The following RAPGEF5 variants were observed in gnomAD, a reference collection of about 807,000 sequenced individuals.
RAPGEF5 encodes the protein M-Ras-regulated GEF.
In RAPGEF5, 65 loss-of-function variants were observed where a neutral mutation model predicts 125.2. That is an observed-to-expected ratio of 0.52 (90% CI 0.43 to 0.64). The LOEUF (loss-of-function observed/expected upper bound fraction) is 0.64, where lower values mean the gene tolerates loss of function less well. Ranked by LOEUF, RAPGEF5 falls within the 30% of genes least tolerant of loss-of-function variation. RAPGEF5 has a pLI of 0.00. For missense variants in RAPGEF5, 958 were observed against 1,048.1 expected (o/e 0.91, Z 1.19); for synonymous variants, 391 against 385.9 (o/e 1.01, Z -0.16).
chr7:22,285,215 C>A (rs376039503), intron 6 of RAPGEF5, among the ~76,000 whole-genome samples: 2 of 152,042 alleles, frequency 1.3e-5, no homozygotes, highest in East Asian at 3.9e-4. Flanking sequence ...AGGAAAAAAT[C>A]AAAATTCAAA....
At chr7:22,245,259 G>A (rs1025758996) in intron 7 of RAPGEF5, among the ~76,000 whole-genome samples, 1 of 152,268 alleles carries the variant, frequency 6.6e-6, no homozygotes, top group East Asian at 1.9e-4. Context: ...CACTCTGCGT[G>A]TTGTCTCTTC....
chr7:22,315,230 T>A, intron 3 of RAPGEF5, 140 bp downstream of exon 3: 1 of 936,120 alleles, frequency 1.1e-6, no homozygotes, highest in Non-Finnish European at 1.4e-6. Context: ...AAAGTCACCA[T>A]CAGTTTCCCC....
At chr7:22,318,653 C>G (rs1339326214) in intron 1 of RAPGEF5, among the ~76,000 whole-genome samples, 1 of 152,196 alleles carries the variant, frequency 6.6e-6, no homozygotes, top group African/African-American at 2.4e-5. Flanking sequence ...GAAGAACTTG[C>G]CACTCATAAC....
intron 1 of RAPGEF5, among the ~76,000 whole-genome samples, chr7:22,348,049 T>C (rs1379535106): frequency 1.3e-5 from 2 of 152,210 alleles, no homozygotes; most frequent in South Asian, 2.1e-4. Flanking sequence ...AAAATAATTG[T>C]AAAACCATGA....
chr7:22,353,016 G>A lies in RAPGEF5; in HGVS notation c.231+3814C>T, dbSNP rs140464691. 5.7e-4 allele frequency among the ~76,000 whole-genome samples: 87 copies of A among 152,264 alleles called. No individual in the cohort carries two copies. The East Asian group carries it at 0.011, about 19-fold the overall frequency. ...AAAGAGAGATATCCAGACATTATGCGTCTCACGATGTGATGCAATAGATTT... is the reference window on the plus strand; with the variant it reads ...AAAGAGAGATATCCAGACATTATGCATCTCACGATGTGATGCAATAGATTT... On this transcript the variant is annotated intron_variant, in intron 1 of 25. Coordinates refer to ENST00000665637, the MANE Select transcript of RAPGEF5 (RefSeq NM_012294.5).
intron 1 of RAPGEF5, among the ~76,000 whole-genome samples, chr7:22,335,039 G>A (rs1168743583): frequency 4.6e-5 from 7 of 152,188 alleles, no homozygotes; most frequent in African/African-American, 1.7e-4. Context: ...AGAGTGTTAT[G>A]TGAACACAAA....
intron 1 of RAPGEF5, chr7:22,356,307 C>A: frequency 1.0e-6 from 1 of 969,506 alleles, no homozygotes; most frequent in Admixed American, 6.1e-5. Flanking sequence ...AACCCAGGAA[C>A]TGGAAGCTCA....
At chr7:22,289,248 T>C (rs918527103) in intron 6 of RAPGEF5, among the ~76,000 whole-genome samples, 1 of 152,276 alleles carries the variant, frequency 6.6e-6, no homozygotes, top group African/African-American at 2.4e-5. Context: ...ATCATACATG[T>C]CTTTATCACT....
intron 8 of RAPGEF5, 86 bp downstream of exon 8, chr7:22,230,760 C>T (rs2128134507): frequency 1.6e-6 from 2 of 1,238,540 alleles, no homozygotes; most frequent in East Asian, 2.6e-5. Flanking sequence ...AAAGGTAAAA[C>T]CTATATCATT....
intron 11 of RAPGEF5, 27 bp downstream of exon 11, chr7:22,193,340 G>A (rs1236950783): frequency 3.8e-6 from 6 of 1,559,064 alleles, no homozygotes; most frequent in Non-Finnish European, 5.2e-6. Flanking sequence ...CTATCAGTCT[G>A]GAAGCATGAG....
At chr7:22,198,557 G>C (rs545803961) in intron 9 of RAPGEF5, among the ~76,000 whole-genome samples, 14 of 152,256 alleles carry the variant, frequency 9.2e-5, no homozygotes, top group African/African-American at 3.4e-4. Context: ...GCAATTATTA[G>C]TTACTGGACC....
intron 7 of RAPGEF5, among the ~76,000 whole-genome samples, chr7:22,253,939 T>C (rs556021519): frequency 3.0e-4 from 45 of 152,136 alleles, no homozygotes; most frequent in Non-Finnish European, 4.7e-4. Flanking sequence ...TATAAGACCA[T>C]AAAAGCAGAA....
intron 1 of RAPGEF5, among the ~76,000 whole-genome samples, chr7:22,342,323 G>A (rs202128789): frequency 4.7e-4 from 71 of 152,292 alleles, no homozygotes; most frequent in African/African-American, 1.6e-3. Context: ...ACCAAACCAC[G>A]TTTTCCTCCT....
At chr7:22,356,774 C>T in intron 1 of RAPGEF5, 56 bp downstream of exon 1, 1 of 1,000,668 alleles carries the variant, frequency 1.0e-6, no homozygotes, top group Non-Finnish European at 1.2e-6. Context: ...GGGGGGTGGG[C>T]GCGGGCTCCA....
intron 11 of RAPGEF5, among the ~76,000 whole-genome samples, chr7:22,176,586 T>C (rs1260398548): frequency 6.6e-6 from 1 of 152,190 alleles, no homozygotes; most frequent in African/African-American, 2.4e-5. Context: ...TGGAGTGCAG[T>C]GGTGTGATCT....
At chr7:22,301,880 C>T (rs1783214514) in intron 5 of RAPGEF5, among the ~76,000 whole-genome samples, 1 of 152,108 alleles carries the variant, frequency 6.6e-6, no homozygotes, top group Admixed American at 6.5e-5. Flanking sequence ...GCTTCAGAAC[C>T]TTTGTGATAA....
chr7:22,263,935 G>A (rs1271365591), intron 7 of RAPGEF5, among the ~76,000 whole-genome samples: 1 of 151,718 alleles, frequency 6.6e-6, no homozygotes, highest in Non-Finnish European at 1.5e-5. Context: ...TTTTCAATGA[G>A]CATGTTCTAC....
At chr7:22,220,127 G>T (rs755421691) in intron 8 of RAPGEF5, 136 bp from the exon 9 acceptor site, 1 of 1,218,540 alleles carries the variant, frequency 8.2e-7, no homozygotes, top group Non-Finnish European at 1.1e-6. Flanking sequence ...AAAATATTTT[G>T]CCTTTCAAAA....
intron 11 of RAPGEF5, among the ~76,000 whole-genome samples, chr7:22,187,786 C>G (rs1407694878): frequency 6.6e-6 from 1 of 152,232 alleles, no homozygotes; most frequent in Non-Finnish European, 1.5e-5. Context: ...TTGTTCCTAA[C>G]TCTCTGTATA....
Sources: gnomAD v4.1 joint callset for allele counts (sites outside exome capture counted in the v4.1 genomes callset) on GRCh38, gnomAD v4.1.1 for gene constraint, MANE v1.5 for transcripts, NCBI Gene and HGNC (gene_info 2026-07-23, HGNC 2026-07-21) for gene names.